Variants in PLAT observed in about 807,000 individuals in gnomAD.
PLAT encodes plasminogen activator, tissue type.
PLAT carries 48 observed loss-of-function variants against 74.9 expected under a neutral mutation model. The ratio of observed to expected loss-of-function variants is 0.64; its 90% CI spans 0.51 to 0.82. The LOEUF (loss-of-function observed/expected upper bound fraction) is 0.82, where lower values mean the gene tolerates loss of function less well. Among genes scored for constraint, PLAT ranks in the 40% least tolerant of loss-of-function variants. The probability of loss-of-function intolerance (pLI) is 0.00; values close to 1 mark genes in which losing one functional copy is unlikely to be tolerated. For synonymous variants in PLAT, 307 were observed against 294.4 expected (o/e 1.04, Z -0.44); for missense variants, 673 against 736.2 (o/e 0.91, Z 0.99).
At position 42,176,048 on chromosome 8, in the gene PLAT, A is replaced by C; in HGVS notation, c.1634T>G (p.Val545Gly). 1 of 1,614,126 alleles carries C rather than the reference A, an allele frequency of 6.2e-7. No individual in the cohort carries two copies. Among genetic ancestry groups the C allele is most frequent in the Non-Finnish European group, 8.5e-7 (1 of 1,179,994 alleles). ...LGCGQKDVPG[V>G]YTKVTNYLDW... ...TAGGTAGTTGGTAACCTTGGTGTAC[A>C]CACCCGGGACATCCTTCTGTCCACA... The change falls in exon 14 of 14, where the codon GTG becomes GGG. Residue 545 changes from valine to glycine, a missense_variant. Val to Gly is a moderately radical substitution (Grantham distance 109). Coordinates refer to ENST00000220809, the MANE Select transcript of PLAT (RefSeq NM_000930.5).
In PLAT at chr8:42,180,014, C is replaced by T. The variant is rs748114951; in HGVS notation, c.1275G>A (p.Val425=). 3.7e-6 allele frequency: 6 copies of T among 1,610,040 alleles called. No individual in the cohort carries two copies. The highest frequency in any genetic ancestry group is 5.1e-6 in the Non-Finnish European group (6 of 1,177,924). ...DSSRCAQESS[V]VRTVCLPPAD... ...CCGGGGGAAGGCACACAGTGCGGACCACGCTGCTCTCCTGGGCACAGCGGG... is the reference window on the plus strand; with the variant it reads ...CCGGGGGAAGGCACACAGTGCGGACTACGCTGCTCTCCTGGGCACAGCGGG... Residue 425 remains valine, a synonymous_variant, in exon 12 of 14, where the codon GTG becomes GTA. Transcript: ENST00000220809.
intron 3 of PLAT, 94 bp from the exon 4 acceptor site, chr8:42,189,165 T>A: frequency 7.6e-7 from 1 of 1,321,290 alleles, no homozygotes; most frequent in South Asian, 1.3e-5. Context: ...CCTCACTTGC[T>A]TTCTATAGAC....
chr8:42,190,995 C>T (rs768373180), intron 3 of PLAT, among the ~76,000 whole-genome samples: 5 of 152,198 alleles, frequency 3.3e-5, no homozygotes, highest in African/African-American at 4.8e-5. Context: ...CTGCCCTGGC[C>T]GTGCTGCTGG....
At position 42,188,016 on chromosome 8, in the gene PLAT, C is replaced by T; in HGVS notation, c.254G>A (p.Ser85Asn). The change falls in exon 5 of 14, where the codon AGT becomes AAT. Residue 85 changes from serine (S) to asparagine (N), a missense_variant and splice_region_variant. By Grantham distance (46) the Ser-to-Asn change is conservative. Transcript: ENST00000220809. ...GTTGAAACACCTTGGCTCGCTGCAACCTGTCAAGTATAAAAAAGGAAGCCC... is the reference window on the plus strand; with the variant it reads ...GTTGAAACACCTTGGCTCGCTGCAATCTGTCAAGTATAAAAAAGGAAGCCC... ...RAQCHSVPVK[S>N]CSEPRCFNGG... The T allele has an allele frequency of 3.1e-6, 5 of 1,598,978 alleles. No individual in the cohort carries two copies. Among genetic ancestry groups the T allele is most frequent in the Non-Finnish European group, 4.3e-6 (5 of 1,166,670 alleles).
intron 1 of PLAT, among the ~76,000 whole-genome samples, chr8:42,194,241 A>AGAGAGAGAGAGAGAGAGTGTGT (rs1419569830): frequency 1.1e-4 from 6 of 52,576 alleles, no homozygotes; most frequent in African/African-American, 4.0e-4. Flanking sequence ...AGAGAGAGAG[A>AGAGAGAGAGAGAGAGAGTGTGT]GTGTGTGTGT....
intron 1 of PLAT, among the ~76,000 whole-genome samples, chr8:42,198,396 G>A (rs1248296171): frequency 6.6e-6 from 1 of 152,220 alleles, no homozygotes; most frequent in Non-Finnish European, 1.5e-5. Flanking sequence ...GGAGGCTGAG[G>A]CAGGAGAATC....
At chr8:42,182,518 T>C in intron 8 of PLAT, 1 of 476,396 alleles carries the variant, frequency 2.1e-6, no homozygotes. Flanking sequence ...TAACTTGGGA[T>C]TTAGGTTGGA....
rs771418702 is a variant in PLAT at position 42,182,869 on chromosome 8, C to T, written c.653G>A (p.Gly218Glu). The change falls in exon 8 of 14, where the codon GGG becomes GAG. Residue 218 changes from glycine to glutamate, a missense_variant. By Grantham distance (98) the Gly-to-Glu change is moderately conservative (BLOSUM62 -2). Transcript: ENST00000220809. ...CGTGCCACGGTAGGCTGACCCATTC[C>T]CAAAGTAGCAGTCACTGTTTCCTAG... ...CSEGNSDCYF[G>E]NGSAYRGTHS... The T allele has an allele frequency of 6.2e-7, 1 of 1,608,250 alleles. No homozygotes were observed. The highest frequency in any genetic ancestry group is 1.7e-5 in the Admixed American group (1 of 57,830).
chr8:42,174,762 C>G lies in PLAT; in HGVS notation c.*1231G>C, dbSNP rs1189826469. On this transcript the variant is annotated 3_prime_UTR_variant, in exon 14 of 14. Transcript: ENST00000220809. ...AACTCAGTTTGGTGTTCAGAGCCCC[C>G]ATAATCTAAATTCCAGCCTATGTTC... Among the ~76,000 whole-genome samples the G allele has an allele frequency of 6.6e-6, 1 of 152,066 alleles. No homozygotes were observed.
At chr8:42,187,622 C>G in intron 5 of PLAT, 50 bp from the exon 6 acceptor site, 1 of 1,511,812 alleles carries the variant, frequency 6.6e-7, no homozygotes, top group Non-Finnish European at 9.0e-7. Context: ...CCCTTTCATT[C>G]AGCCCTCAGG....
intron 1 of PLAT, among the ~76,000 whole-genome samples, chr8:42,202,085 T>C (rs1181731823): frequency 6.6e-6 from 1 of 152,082 alleles, no homozygotes; most frequent in Non-Finnish European, 1.5e-5. Context: ...AGTGGCGTGA[T>C]CACAGCTCAC....
intron 1 of PLAT, among the ~76,000 whole-genome samples, chr8:42,194,867 T>C (rs1351524937): frequency 6.6e-6 from 1 of 151,424 alleles, no homozygotes; most frequent in Non-Finnish European, 1.5e-5. Context: ...ATGTGCATAT[T>C]TGCAGGAAGG....
Position 42,187,673 on chromosome 8 carries a change from A to G in PLAT, c.365-101T>C, listed in dbSNP as rs1014975219. ...CCCCGTCCTCCCCCAGGCCTGATGC[A>G]GGCTGGCTCGGAAGCCACAGGCTGG... On this transcript the variant is annotated intron_variant, in intron 5 of 13. Coordinates refer to ENST00000220809, the MANE Select transcript of PLAT (RefSeq NM_000930.5). 3 of 1,201,138 alleles carry G rather than the reference A, an allele frequency of 2.5e-6. No individual in the cohort carries two copies. In the African/African-American group the frequency reaches 4.5e-5, roughly 18 times the overall value. The allele number at this position is 1,201,138 out of a possible 1,614,324, so 74.4% of individuals were successfully genotyped here.
At chr8:42,187,687 G>T in intron 5 of PLAT, 115 bp from the exon 6 acceptor site, 1 of 1,060,742 alleles carries the variant, frequency 9.4e-7, no homozygotes, top group Non-Finnish European at 1.3e-6. Context: ...TGGCTCGGAA[G>T]CCACAGGCTG....
intron 2 of PLAT, 107 bp downstream of exon 2, chr8:42,193,007 T>A (rs1418649080): frequency 1.2e-5 from 9 of 765,686 alleles, no homozygotes; most frequent in Admixed American, 7.5e-5. Context: ...GCCTCTCTGC[T>A]CCCTGACAGC....
At chr8:42,191,947 C>T (rs1240317143) in intron 2 of PLAT, among the ~76,000 whole-genome samples, 1 of 151,418 alleles carries the variant, frequency 6.6e-6, no homozygotes, top group Non-Finnish European at 1.5e-5. Flanking sequence ...AGAGAGTAGG[C>T]ACCATGAGGG....
chr8:42,175,932 G>C lies in PLAT; in HGVS notation c.*61C>G. ...TGTAGAGAAGCACTGCGCCTTTGCA[G>C]TGTCTTCTGAAGAAGAAGAGGCGGG... is the stretch of plus-strand genomic sequence containing the variant. On this transcript the variant is annotated 3_prime_UTR_variant, in exon 14 of 14. Coordinates refer to ENST00000220809, the MANE Select transcript of PLAT (RefSeq NM_000930.5). 6.5e-7 allele frequency: 1 copy of C among 1,549,794 alleles called. No individual in the cohort carries two copies. Among genetic ancestry groups the C allele is most frequent in the Middle Eastern group, 1.7e-4 (1 of 5,886 alleles).
At chr8:42,196,191 TG>T (rs1805898185) in intron 1 of PLAT, among the ~76,000 whole-genome samples, 1 of 152,198 alleles carries the variant, frequency 6.6e-6, no homozygotes, top group Non-Finnish European at 1.5e-5. Flanking sequence ...GACCTAGGGC[TG>T]GTCCACACAT....
In PLAT at chr8:42,180,445, A is replaced by G. The variant is rs774554600; in HGVS notation, c.1085+45T>C. 10 of 1,613,730 alleles carry G rather than the reference A, an allele frequency of 6.2e-6. No homozygotes were observed. In the South Asian group the frequency reaches 9.9e-5, roughly 16 times the overall value. The stretch of plus-strand genomic sequence containing the variant: ...ATTTCCCCTAAAGGGCTTGGTTTCT[A>G]GGCGTTAGAGGGTGGAAAAACCAAC... On this transcript the variant is annotated intron_variant, in intron 10 of 13. Coordinates refer to ENST00000220809, the MANE Select transcript of PLAT (RefSeq NM_000930.5).
Sources: allele counts gnomAD v4.1 joint callset (sites outside exome capture counted in the v4.1 genomes callset), GRCh38; gene constraint gnomAD v4.1.1; transcripts MANE v1.5; gene names NCBI Gene and HGNC (gene_info 2026-07-23, HGNC 2026-07-21).